Variants in LIMCH1 observed in about 807,000 individuals in gnomAD.
LIMCH1 encodes LIM and calponin homology domains 1.
LIMCH1 carries 113 observed loss-of-function variants against 176.5 expected under a neutral mutation model. The ratio of observed to expected loss-of-function variants is 0.64; its 90% CI spans 0.55 to 0.75. The LOEUF is 0.75. LIMCH1 is among the 30% of genes least tolerant of loss of function. The pLI, the probability that LIMCH1 is intolerant of heterozygous loss-of-function variation, is 0.00. For synonymous variants in LIMCH1, 619 were observed against 645.9 expected (o/e 0.96, Z 0.63); for missense variants, 1,674 against 1,814.9 (o/e 0.92, Z 1.41).
intron 6 of LIMCH1, chr4:41,619,858 T>A (rs1323441768): frequency 4.7e-6 from 1 of 212,352 alleles, no homozygotes; most frequent in African/African-American, 2.3e-5. Flanking sequence ...TAAGCTCAAA[T>A]ATGTGATGCA....
intron 1 of LIMCH1, among the ~76,000 whole-genome samples, chr4:41,454,115 A>G (rs1236588762): frequency 6.6e-6 from 1 of 151,606 alleles, no homozygotes; most frequent in Non-Finnish European, 1.5e-5. Flanking sequence ...AATGCCCCCC[A>G]CCCTCACCAC....
At chr4:41,575,789 C>T (rs2084367413) in intron 1 of LIMCH1, among the ~76,000 whole-genome samples, 1 of 152,120 alleles carries the variant, frequency 6.6e-6, no homozygotes, top group African/African-American at 2.4e-5. Flanking sequence ...GTTGAGATCG[C>T]ACAATTCTAG....
At chr4:41,598,798 C>A in intron 1 of LIMCH1, 122 bp from the exon 2 acceptor site, 1 of 498,424 alleles carries the variant, frequency 2.0e-6, no homozygotes, top group Non-Finnish European at 3.6e-6. Context: ...GTTATGCAAG[C>A]TATGATTTAG....
intron 14 of LIMCH1, among the ~76,000 whole-genome samples, chr4:41,642,445 T>G (rs1342283110): frequency 2.0e-5 from 3 of 152,194 alleles, no homozygotes; most frequent in Non-Finnish European, 4.4e-5. Flanking sequence ...TCCTGCAAAT[T>G]TCTTAATCTT....
chr4:41,677,537 T>C (rs1711891059), intron 23 of LIMCH1, among the ~76,000 whole-genome samples: 1 of 152,228 alleles, frequency 6.6e-6, no homozygotes, highest in South Asian at 2.1e-4. Context: ...GTTTTATGGA[T>C]TAACAGGGCT....
chr4:41,646,104 ATCTT>A lies in LIMCH1; in HGVS notation c.2254-12_2254-9del. 6.3e-7 allele frequency: 1 copy of A among 1,593,972 alleles called. No individual in the cohort carries two copies. Among genetic ancestry groups the A allele is most frequent in the Non-Finnish European group, 8.5e-7 (1 of 1,173,888 alleles). On this transcript the variant is annotated splice_polypyrimidine_tract_variant and intron_variant, in intron 15 of 31. Transcript: ENST00000503057. ...GCACAAGTCTGAAGAAGAATATTATATCTTTCTTTCCCTGCCAGGACCTGGCTCG... is the reference window on the plus strand; with the variant it reads ...GCACAAGTCTGAAGAAGAATATTATATCTTTCCCTGCCAGGACCTGGCTCG...
chr4:41,481,979 T>C (rs554932671), intron 1 of LIMCH1, among the ~76,000 whole-genome samples: 3 of 152,040 alleles, frequency 2.0e-5, no homozygotes, highest in Admixed American at 1.3e-4. Context: ...GCCTCCTGAA[T>C]AGCTGGGATT....
In LIMCH1 at chr4:41,633,768, G is replaced by A; in HGVS notation, c.2050G>A (p.Val684Met). 1 of 1,536,188 alleles carries A rather than the reference G, an allele frequency of 6.5e-7. No homozygotes were observed. Among genetic ancestry groups the A allele is most frequent in the Non-Finnish European group, 8.7e-7 (1 of 1,146,912 alleles). The change falls in exon 13 of 32, where the codon GTG (valine) becomes ATG (methionine). Residue 684 changes from valine (V) to methionine (M), a missense_variant. By Grantham distance (21) the Val-to-Met change is conservative. Coordinates refer to ENST00000503057, the MANE Select transcript of LIMCH1 (RefSeq NM_001330672.2). ...AGTTCCATTTGCAAAGCAACAGGAT[G>A]TGGAAGAATCTTCTAAAGGTCTACC... ...LPVPFAKQQDVEESSKGLPMK... is the reference protein window; with the variant it reads ...LPVPFAKQQDMEESSKGLPMK...
At chr4:41,606,063 T>G in intron 4 of LIMCH1, 59 bp downstream of exon 4, 3 of 1,216,874 alleles carry the variant, frequency 2.5e-6, no homozygotes, top group Non-Finnish European at 3.6e-6. Flanking sequence ...AAGCTACACA[T>G]TTGCTTGTTT....
intron 23 of LIMCH1, among the ~76,000 whole-genome samples, chr4:41,678,207 C>G (rs977844839): frequency 2.0e-5 from 3 of 151,722 alleles, no homozygotes; most frequent in Admixed American, 2.0e-4. Flanking sequence ...ATGCTTAATG[C>G]AAGTTTATTT....
At chr4:41,374,988 C>T (rs753527036) in intron 1 of LIMCH1, among the ~76,000 whole-genome samples, 6 of 152,134 alleles carry the variant, frequency 3.9e-5, no homozygotes, top group Admixed American at 6.6e-5. Flanking sequence ...CACCCTGGTC[C>T]GTCCCTATCA....
At chr4:41,505,731 GCTTTCTTGAAGACC>G (rs1003679401) in intron 2 of LIMCH1, among the ~76,000 whole-genome samples, 17 of 152,082 alleles carry the variant, frequency 1.1e-4, no homozygotes, top group African/African-American at 4.1e-4. Context: ...CGGATTGAGA[GCTTTCTTGAAGACC>G]CTTTGTCTTT....
intron 1 of LIMCH1, among the ~76,000 whole-genome samples, chr4:41,576,952 T>C (rs1178728189): frequency 1.3e-5 from 2 of 152,192 alleles, no homozygotes; most frequent in African/African-American, 4.8e-5. Context: ...GTAGGCCCAC[T>C]GCATCTGAGC....
chr4:41,539,683 C>A (rs2078378369), intron 1 of LIMCH1, among the ~76,000 whole-genome samples: 1 of 152,184 alleles, frequency 6.6e-6, no homozygotes, highest in Non-Finnish European at 1.5e-5. Context: ...GATACATAGT[C>A]CTAGCTGGTT....
intron 9 of LIMCH1, among the ~76,000 whole-genome samples, chr4:41,630,358 T>A (rs1274182598): frequency 2.0e-5 from 3 of 152,196 alleles, no homozygotes; most frequent in African/African-American, 7.2e-5. Context: ...GATGAATTTA[T>A]TAATACTAAA....
intron 1 of LIMCH1, among the ~76,000 whole-genome samples, chr4:41,374,855 T>A (rs2054495693): frequency 6.6e-6 from 1 of 152,176 alleles, no homozygotes; most frequent in African/African-American, 2.4e-5. Flanking sequence ...AAAGGCTGGC[T>A]GGGAAAGAGC....
chr4:41,678,350 A>ACCTT (rs1276102119), intron 23 of LIMCH1, among the ~76,000 whole-genome samples: 2 of 151,638 alleles, frequency 1.3e-5, no homozygotes, highest in Non-Finnish European at 1.5e-5. Flanking sequence ...TAAGTTTGGC[A>ACCTT]TTTTGTAACT....
At chr4:41,565,501 G>T (rs973346659) in intron 1 of LIMCH1, among the ~76,000 whole-genome samples, 8 of 151,478 alleles carry the variant, frequency 5.3e-5, no homozygotes, top group African/African-American at 1.9e-4. Context: ...TTTGTTGTCT[G>T]TTTTCATTGT....
At chr4:41,543,866 C>G (rs1172721595) in intron 1 of LIMCH1, among the ~76,000 whole-genome samples, 2 of 152,102 alleles carry the variant, frequency 1.3e-5, no homozygotes, top group Non-Finnish European at 2.9e-5. Context: ...GATTGTTTCA[C>G]CCTGTTGCTC....
Sources: gnomAD v4.1 joint callset for allele counts (sites outside exome capture counted in the v4.1 genomes callset) on GRCh38, gnomAD v4.1.1 for gene constraint, MANE v1.5 for transcripts, NCBI Gene and HGNC (gene_info 2026-07-23, HGNC 2026-07-21) for gene names.